ZNF638: variants seen among roughly 807,000 people sequenced by gnomAD.
ZNF638 encodes the protein CTCL tumor antigen se33-1.
ZNF638 carries 46 observed loss-of-function variants against 195.6 expected under a neutral mutation model. The observed-to-expected ratio is 0.24, with a 90% CI of 0.19 to 0.30. The LOEUF is 0.30. Among genes scored for constraint, ZNF638 ranks in the 10% least tolerant of loss-of-function variants. ZNF638 has a pLI of 1.00. For synonymous variants in ZNF638, 845 were observed against 772.0 expected, an observed-to-expected ratio of 1.09 and a Z score of -1.57; for missense variants, 2,440 against 2,325.3, an observed-to-expected ratio of 1.05 and a Z score of -1.01.
rs147676010 is a variant in ZNF638, at chr2:71,368,413, C to G, written c.2027C>G (p.Ser676Trp). Residue 676 changes from serine to tryptophan, a missense_variant, in exon 7 of 28, where the codon TCG (serine) becomes TGG (tryptophan). By Grantham distance (177) the Ser-to-Trp change is radical. Transcript: ENST00000264447. Reference protein sequence around the residue: ...LRKEQSLHYGSVLLITELPED... With the variant: ...LRKEQSLHYGWVLLITELPED... ...AAAGAACAGTCATTGCATTATGGTT[C>G]GGTTCTTCTTATAACTGAATTACCA... The G allele has an allele frequency of 6.2e-7, 1 of 1,612,704 alleles. No homozygotes were observed. Among genetic ancestry groups the G allele is most frequent in the Non-Finnish European group, 8.5e-7 (1 of 1,179,558 alleles).
chr2:71,372,933 T>C (rs188476061), intron 8 of ZNF638, among the ~76,000 whole-genome samples: 21 of 152,344 alleles, frequency 1.4e-4, no homozygotes, highest in Admixed American at 3.9e-4. Flanking sequence ...GATTGATATT[T>C]AGGTTGTTTC....
Position 71,365,558 on chromosome 2 carries a change from C to G in ZNF638, c.1847C>G (p.Thr616Arg), listed in dbSNP as rs200070040. 1 of 1,614,120 alleles carries G rather than the reference C, an allele frequency of 6.2e-7. No individual in the cohort carries two copies. The highest frequency in any genetic ancestry group is 8.5e-7 in the Non-Finnish European group (1 of 1,180,010). ...CAAAAGCCTAAAACTAGCAGTGGAA[C>G]AAAACCATCAGTTAAACCTACAAGC... The part of the protein sequence containing the change: ...PAQKPKTSSG[T>R]KPSVKPTSAT... The change falls in exon 6 of 28, where the codon ACA becomes AGA. Residue 616 changes from threonine to arginine, a missense_variant. Thr to Arg is a moderately conservative substitution (Grantham distance 71). This residue lies in a region of ZNF638 where 1,883 missense variants were observed against 1,739.1 expected (regional missense o/e 1.08). Coordinates refer to ENST00000264447, the MANE Select transcript of ZNF638 (RefSeq NM_014497.5).
At chr2:71,351,177 G>C (rs1309310775) in intron 2 of ZNF638, among the ~76,000 whole-genome samples, 1 of 152,202 alleles carries the variant, frequency 6.6e-6, no homozygotes, top group South Asian at 2.1e-4. Flanking sequence ...GCCATGGCCT[G>C]GAATTGGTTG....
chr2:71,405,652 G>A lies in ZNF638; in HGVS notation c.3000+10G>A, dbSNP rs368891916. On this transcript the variant is annotated intron_variant, in intron 18 of 27. Transcript: ENST00000264447. ...AGAAAATGACCCAGAGGTAAGTTTT[G>A]CATTTAAATGCTTTTGTATACTTAT... 3.3e-6 allele frequency: 5 copies of A among 1,536,568 alleles called. No homozygotes were observed. The highest frequency in any genetic ancestry group is 3.5e-6 in the Non-Finnish European group (4 of 1,129,460).
In ZNF638 at chr2:71,408,186, C is replaced by T; in HGVS notation, c.3200C>T (p.Pro1067Leu). 10 of 1,613,276 alleles carry T rather than the reference C, an allele frequency of 6.2e-6. No homozygotes were observed. Among genetic ancestry groups the T allele is most frequent in the Non-Finnish European group, 8.5e-6 (10 of 1,179,576 alleles). ...ATGTATAGCTTTCTGAAACAAAATC[C>T]ACAAAATATTGGTGACCATATGTTG... ...QSMYSFLKQN[P>L]QNIGDHMLTC... Residue 1067 changes from proline to leucine, a missense_variant, in exon 20 of 28, where the codon CCA becomes CTA. Around this residue, in one of 5 missense-constraint regions of ZNF638, gnomAD observed 1,883 missense variants for 1,739.1 expected, o/e 1.08. Transcript: ENST00000264447.
intron 10 of ZNF638, chr2:71,395,777 TC>T (rs1459761035): frequency 1.8e-5 from 7 of 390,864 alleles, no homozygotes; most frequent in Non-Finnish European, 2.8e-5. Context: ...TGTACTTTTT[TC>T]ATCCGTCGCT....
chr2:71,372,889 G>T (rs1448341534), intron 8 of ZNF638, among the ~76,000 whole-genome samples: 1 of 152,150 alleles, frequency 6.6e-6, no homozygotes, highest in East Asian at 1.9e-4. Flanking sequence ...TTCTCTGTAT[G>T]AATATACCAC....
intron 17 of ZNF638, among the ~76,000 whole-genome samples, chr2:71,404,265 C>T (rs2080061770): frequency 6.6e-6 from 1 of 152,224 alleles, no homozygotes; most frequent in Non-Finnish European, 1.5e-5. Context: ...TCTTATCTTT[C>T]TGCCATTATC....
intron 2 of ZNF638, among the ~76,000 whole-genome samples, chr2:71,352,715 C>T (rs2078963488): frequency 6.6e-6 from 1 of 151,962 alleles, no homozygotes; most frequent in African/African-American, 2.4e-5. Context: ...AGTGAAGTGA[C>T]ATGTTGGAAG....
chr2:71,408,756 T>C, intron 20 of ZNF638: 1 of 452,892 alleles, frequency 2.2e-6, no homozygotes, highest in Non-Finnish European at 4.5e-6. Context: ...TCTCCTTCTA[T>C]TCCATTGTAT....
At chr2:71,384,419 G>C (rs966139922) in intron 10 of ZNF638, among the ~76,000 whole-genome samples, 7 of 152,116 alleles carry the variant, frequency 4.6e-5, no homozygotes, top group South Asian at 2.1e-4. Context: ...ATTATCTTTT[G>C]AACCTATTAA....
chr2:71,431,263 A>G, intron 25 of ZNF638, 64 bp from the exon 26 acceptor site: 1 of 1,387,232 alleles, frequency 7.2e-7, no homozygotes, highest in Non-Finnish European at 1.0e-6. Context: ...AGAATTATCC[A>G]ATGTTAACTT....
chr2:71,410,364 T>G (rs2080187452), intron 20 of ZNF638, among the ~76,000 whole-genome samples: 1 of 148,002 alleles, frequency 6.8e-6, no homozygotes, highest in African/African-American at 2.5e-5. Context: ...TTTATTTGAT[T>G]TTTGATTTTT....
At chr2:71,420,244 C>T (rs568304260) in intron 21 of ZNF638, among the ~76,000 whole-genome samples, 10 of 151,766 alleles carry the variant, frequency 6.6e-5, no homozygotes, top group African/African-American at 2.4e-4. Context: ...TTGTGGTTGC[C>T]AATTCATTAT....
chr2:71,411,453 A>T (rs58390593), intron 20 of ZNF638, among the ~76,000 whole-genome samples: 86,357 of 139,272 alleles, frequency 0.62, 27,941 homozygotes, highest in East Asian at 0.98. Flanking sequence ...TTTTTTATTT[A>T]TTTTTTATTT....
intron 3 of ZNF638, among the ~76,000 whole-genome samples, chr2:71,356,563 G>A (rs1412154284): frequency 6.6e-6 from 1 of 152,118 alleles, no homozygotes; most frequent in East Asian, 1.9e-4. Context: ...GCTGAGACAG[G>A]TAGGCTTGCT....
chr2:71,357,749 T>C (rs918812336), intron 3 of ZNF638, among the ~76,000 whole-genome samples: 1 of 152,228 alleles, frequency 6.6e-6, no homozygotes, highest in Non-Finnish European at 1.5e-5. Context: ...CTACTCTATT[T>C]TTTAACCATA....
At chr2:71,357,296 C>T (rs753688953) in intron 3 of ZNF638, among the ~76,000 whole-genome samples, 18 of 152,130 alleles carry the variant, frequency 1.2e-4, no homozygotes, top group South Asian at 8.3e-4. Context: ...ATGTCTGCTC[C>T]GGGTGTTGAG....
intron 3 of ZNF638, among the ~76,000 whole-genome samples, chr2:71,357,037 T>G (rs2079035725): frequency 6.6e-6 from 1 of 152,188 alleles, no homozygotes; most frequent in African/African-American, 2.4e-5. Context: ...ATAGCTGGCA[T>G]TTCTAGGAGT....
Sources: gnomAD v4.1 joint callset for allele counts (sites outside exome capture counted in the v4.1 genomes callset) on GRCh38, gnomAD v4.1.1 for gene constraint, gnomAD v4.1.1 regional missense constraint, MANE v1.5 for transcripts, NCBI Gene and HGNC (gene_info 2026-07-23, HGNC 2026-07-21) for gene names.